The following AP3B1 variants were observed in gnomAD, a reference collection of about 807,000 sequenced individuals.
AP3B1 encodes the protein AP-3 complex subunit beta-1.
A neutral mutation model predicts 132.5 loss-of-function variants in AP3B1; 61 were observed. That is an observed-to-expected ratio of 0.46 (90% CI 0.37 to 0.57). AP3B1 has a LOEUF of 0.57. Among genes scored for constraint, AP3B1 ranks in the 20% least tolerant of loss-of-function variants. The pLI is 0.00. For synonymous variants in AP3B1, 388 were observed against 438.3 expected (o/e 0.89, Z 1.43); for missense variants, 1,120 against 1,289.4 (o/e 0.87, Z 2.01).
At chr5:78,166,254 T>A (rs1233222052) in intron 11 of AP3B1, among the ~76,000 whole-genome samples, 1 of 152,106 alleles carries the variant, frequency 6.6e-6, no homozygotes, top group Non-Finnish European at 1.5e-5. Flanking sequence ...CAAACAGATA[T>A]TAGACAATTA....
intron 23 of AP3B1, among the ~76,000 whole-genome samples, chr5:78,035,911 AG>A (rs1747790653): frequency 6.6e-6 from 1 of 152,134 alleles, no homozygotes; most frequent in Admixed American, 6.5e-5. Context: ...GAGCTTTGTC[AG>A]TCACACGCTG....
At chr5:78,003,191 C>A in intron 26 of AP3B1, 136 bp from the exon 27 acceptor site, 3 of 1,026,762 alleles carry the variant, frequency 2.9e-6, no homozygotes, top group Non-Finnish European at 4.2e-6. Context: ...TGCCAAAAAC[C>A]CAAAGCCAAG....
At chr5:78,289,564 GTCAC>G (rs1410962743) in intron 1 of AP3B1, among the ~76,000 whole-genome samples, 2 of 152,152 alleles carry the variant, frequency 1.3e-5, no homozygotes, top group African/African-American at 4.8e-5. Flanking sequence ...GGCTGCTAAA[GTCAC>G]CTTTCAGTTG....
At chr5:78,151,601 A>G (rs1294960034) in intron 14 of AP3B1, among the ~76,000 whole-genome samples, 3 of 152,172 alleles carry the variant, frequency 2.0e-5, no homozygotes, top group African/African-American at 4.8e-5. Context: ...TTCAGCATCA[A>G]TTGAAATCAT....
chr5:78,219,596 T>A (rs1006987322), intron 6 of AP3B1, among the ~76,000 whole-genome samples: 2 of 152,216 alleles, frequency 1.3e-5, no homozygotes, highest in Non-Finnish European at 2.9e-5. Flanking sequence ...GTTTCTGTAA[T>A]ATCTTTTACC....
At position 78,169,824 on chromosome 5, in the gene AP3B1, G is replaced by A. The variant is rs1743832954; in HGVS notation, c.1168-4152C>T. Among the ~76,000 whole-genome samples, 4 of 151,904 alleles carry A rather than the reference G, an allele frequency of 2.6e-5. No homozygotes were observed. The South Asian group carries it at 8.3e-4, about 32-fold the overall frequency. ...CACAACGTGCAGGTTTGATACATAGGTATACATGTGCCATGTTGGTTTGCT... is the reference window on the plus strand; with the variant it reads ...CACAACGTGCAGGTTTGATACATAGATATACATGTGCCATGTTGGTTTGCT... On this transcript the variant is annotated intron_variant, in intron 11 of 26. Transcript: ENST00000255194.
rs1468639815 is a variant in AP3B1, at chr5:78,162,946, A to G, written c.1236T>C (p.Tyr412=). 5 of 1,613,456 alleles carry G rather than the reference A, an allele frequency of 3.1e-6. No individual in the cohort carries two copies. Among genetic ancestry groups the G allele is most frequent in the Non-Finnish European group, 4.2e-6 (5 of 1,179,568 alleles). ...CAAATTGTTTATCCTGGCTTTTCAC[A>G]TAGGTCTAAAAGATATTATTTCAAT... ...ISTLLREFQT[Y]VKSQDKQFAA... The change falls in exon 13 of 27, where the codon TAT becomes TAC. Residue 412 remains tyrosine, a synonymous_variant. Coordinates refer to ENST00000255194, the MANE Select transcript of AP3B1 (RefSeq NM_003664.5).
intron 7 of AP3B1, among the ~76,000 whole-genome samples, chr5:78,213,765 G>A (rs1356348076): frequency 6.6e-6 from 1 of 152,120 alleles, no homozygotes; most frequent in African/African-American, 2.4e-5. Flanking sequence ...TACGAGAAGG[G>A]AACATGTACT....
At chr5:78,124,554 G>A (rs1327853760) in intron 17 of AP3B1, among the ~76,000 whole-genome samples, 2 of 152,044 alleles carry the variant, frequency 1.3e-5, no homozygotes, top group African/African-American at 4.8e-5. Context: ...CAGCCTGGGT[G>A]ACAGAGCAAA....
At chr5:78,225,663 G>T in intron 5 of AP3B1, 55 bp from the exon 6 acceptor site, 1 of 1,108,890 alleles carries the variant, frequency 9.0e-7, no homozygotes, top group Non-Finnish European at 1.4e-6. Flanking sequence ...AGCTTTACAT[G>T]ATGCTCACCA....
At chr5:78,027,427 T>A (rs1168201161) in intron 24 of AP3B1, among the ~76,000 whole-genome samples, 3 of 152,050 alleles carry the variant, frequency 2.0e-5, no homozygotes, top group Non-Finnish European at 4.4e-5. Context: ...TGTGTCAATA[T>A]CAATTACACA....
Position 78,123,476 on chromosome 5 carries a change from A to G in AP3B1, c.1968+4554T>C, listed in dbSNP as rs1003368604. Among the ~76,000 whole-genome samples the G allele has an allele frequency of 2.5e-3, 378 of 151,978 alleles. 1 individual carries two copies. Among genetic ancestry groups the G allele is most frequent in the Admixed American group, 5.0e-3 (77 of 15,264 alleles). ...GACAAAGGGCTAATATCCAGAATCTACAATGAACTCAAACAAATTTACAAG... is the reference window on the plus strand; with the variant it reads ...GACAAAGGGCTAATATCCAGAATCTGCAATGAACTCAAACAAATTTACAAG... On this transcript the variant is annotated intron_variant, in intron 17 of 26. Transcript: ENST00000255194.
At chr5:78,010,761 T>A (rs1001918565) in intron 26 of AP3B1, among the ~76,000 whole-genome samples, 3 of 152,172 alleles carry the variant, frequency 2.0e-5, no homozygotes, top group Admixed American at 6.5e-5. Context: ...TCCATTCATA[T>A]ACTGGTTTAA....
chr5:78,075,123 G>C (rs166163), intron 22 of AP3B1, among the ~76,000 whole-genome samples: 27,296 of 152,048 alleles, frequency 0.18, 3,151 homozygotes, highest in Admixed American at 0.29. Context: ...CAATATAAGA[G>C]ATTGGAAAAC....
chr5:78,137,091 C>T (rs1376252426), intron 15 of AP3B1, among the ~76,000 whole-genome samples: 1 of 152,118 alleles, frequency 6.6e-6, no homozygotes, highest in Non-Finnish European at 1.5e-5. Context: ...ACTCCCCATC[C>T]TGGTTCTTCT....
chr5:78,260,439 C>G (rs889949013), intron 2 of AP3B1, among the ~76,000 whole-genome samples: 9 of 151,912 alleles, frequency 5.9e-5, no homozygotes, highest in Admixed American at 4.6e-4. Flanking sequence ...ACTAAAAGTA[C>G]AAAAATTAGC....
At chr5:78,049,756 T>C (rs1748500343) in intron 22 of AP3B1, among the ~76,000 whole-genome samples, 1 of 152,194 alleles carries the variant, frequency 6.6e-6, no homozygotes, top group Non-Finnish European at 1.5e-5. Context: ...TTATTGAACA[T>C]AGACTGAATT....
intron 14 of AP3B1, among the ~76,000 whole-genome samples, chr5:78,143,540 A>G (rs1327683926): frequency 6.6e-6 from 1 of 152,188 alleles, no homozygotes; most frequent in Non-Finnish European, 1.5e-5. Context: ...AAACTGACAA[A>G]GACAACATTT....
chr5:78,149,742 T>C (rs1753565168), intron 14 of AP3B1, among the ~76,000 whole-genome samples: 1 of 152,156 alleles, frequency 6.6e-6, no homozygotes, highest in Non-Finnish European at 1.5e-5. Context: ...ACAGACCAAC[T>C]GTGAATCCAA....
Sources: gnomAD v4.1 joint callset for allele counts (sites outside exome capture counted in the v4.1 genomes callset) on GRCh38, gnomAD v4.1.1 for gene constraint, MANE v1.5 for transcripts, NCBI Gene and HGNC (gene_info 2026-07-23, HGNC 2026-07-21) for gene names.